ADAMTSL1: variants seen among roughly 807,000 people sequenced by gnomAD.
ADAMTSL1 encodes the protein ADAMTS-like protein 1.
Under a neutral mutation model 201.8 loss-of-function variants are expected in ADAMTSL1, and 126 were observed. The observed-to-expected ratio is 0.62, with a 90% confidence interval of 0.54 to 0.72. ADAMTSL1 has a LOEUF of 0.72. ADAMTSL1 is among the 30% of genes least tolerant of loss of function. The pLI is 0.00. For synonymous variants in ADAMTSL1, 1,121 were observed against 903.4 expected, an observed-to-expected ratio of 1.24 and a Z score of -4.32; for missense variants, 2,679 against 2,277.8, an observed-to-expected ratio of 1.18 and a Z score of -3.59.
intron 2 of ADAMTSL1, among the ~76,000 whole-genome samples, chr9:18,315,352 C>G (rs1252120738): frequency 6.6e-6 from 1 of 152,136 alleles, no homozygotes; most frequent in Non-Finnish European, 1.5e-5. Context: ...GGCGGAGCTG[C>G]CTGTCAGTCC....
At chr9:18,362,014 TG>T (rs1025554926) in intron 2 of ADAMTSL1, 2 of 152,100 alleles carry the variant, frequency 1.3e-5, no homozygotes, top group Non-Finnish European at 1.5e-5. Context: ...TGGAAAGGGA[TG>T]GGGTAGAAGT....
At chr9:17,981,912 C>T (rs1310342942) in intron 1 of ADAMTSL1, among the ~76,000 whole-genome samples, 1 of 152,104 alleles carries the variant, frequency 6.6e-6, no homozygotes, top group East Asian at 1.9e-4. Flanking sequence ...ATAAGACTCC[C>T]CACCATGGTT....
intron 1 of ADAMTSL1, among the ~76,000 whole-genome samples, chr9:18,003,175 C>A (rs1819682766): frequency 6.6e-6 from 1 of 152,046 alleles, no homozygotes; most frequent in Admixed American, 6.6e-5. Context: ...AGCTTCCAGG[C>A]TCATCCTGGA....
At chr9:18,219,417 G>A (rs2132351084) in intron 2 of ADAMTSL1, among the ~76,000 whole-genome samples, 1 of 151,814 alleles carries the variant, frequency 6.6e-6, no homozygotes, top group South Asian at 2.1e-4. Context: ...CGCCCAGGCT[G>A]AAGTGCAGTG....
intron 2 of ADAMTSL1, among the ~76,000 whole-genome samples, chr9:18,268,822 T>A (rs16936494): frequency 0.014 from 2,191 of 152,254 alleles, 60 homozygotes; most frequent in African/African-American, 0.051. Context: ...ATAAAAGCAA[T>A]TGGGTCATAG....
At chr9:18,104,022 CAT>C (rs762013085) in intron 1 of ADAMTSL1, among the ~76,000 whole-genome samples, 8 of 152,182 alleles carry the variant, frequency 5.3e-5, no homozygotes, top group African/African-American at 1.2e-4. Flanking sequence ...GTTACTTTAT[CAT>C]GTGTGTGTGT....
intron 2 of ADAMTSL1, among the ~76,000 whole-genome samples, chr9:18,172,145 G>A (rs542708018): frequency 2.3e-4 from 34 of 148,584 alleles, no homozygotes; most frequent in African/African-American, 7.9e-4. Flanking sequence ...GGGGGCTGGG[G>A]AGGGATAGCA....
chr9:18,037,561 A>T (rs1821254150), intron 1 of ADAMTSL1, among the ~76,000 whole-genome samples: 1 of 152,214 alleles, frequency 6.6e-6, no homozygotes, highest in Non-Finnish European at 1.5e-5. Flanking sequence ...AAGTATTTCA[A>T]AACTATGAAA....
intron 2 of ADAMTSL1, among the ~76,000 whole-genome samples, chr9:18,461,340 T>C (rs1820798992): frequency 1.3e-5 from 2 of 152,180 alleles, no homozygotes; most frequent in Non-Finnish European, 2.9e-5. Context: ...ATTATGATTA[T>C]TTTTCATGTA....
intron 23 of ADAMTSL1, among the ~76,000 whole-genome samples, chr9:18,886,214 A>G: frequency 7.5e-6 from 1 of 133,954 alleles, no homozygotes; most frequent in East Asian, 2.1e-4. Flanking sequence ...ATATATATAC[A>G]CACACATACA....
intron 2 of ADAMTSL1, among the ~76,000 whole-genome samples, chr9:18,427,667 T>C (rs1385525430): frequency 6.6e-6 from 1 of 152,248 alleles, no homozygotes; most frequent in Non-Finnish European, 1.5e-5. Context: ...GAGATTTTCT[T>C]GCTGAGGCAG....
At chr9:18,540,841 A>G (rs904376359) in intron 3 of ADAMTSL1, among the ~76,000 whole-genome samples, 5 of 152,148 alleles carry the variant, frequency 3.3e-5, no homozygotes, top group Non-Finnish European at 7.4e-5. Flanking sequence ...AATTGCAGGA[A>G]CGTTGATTTC....
At chr9:18,289,846 AG>A (rs1833180471) in intron 2 of ADAMTSL1, among the ~76,000 whole-genome samples, 1 of 152,244 alleles carries the variant, frequency 6.6e-6, no homozygotes, top group Admixed American at 6.5e-5. Flanking sequence ...TGGAACTTTC[AG>A]CAAAGTTTCC....
At chr9:18,570,187 C>T (rs539203744) in intron 3 of ADAMTSL1, among the ~76,000 whole-genome samples, 1 of 149,888 alleles carries the variant, frequency 6.7e-6, no homozygotes, top group East Asian at 2.0e-4. Flanking sequence ...CGAGACTTGC[C>T]TGGAGAATGA....
intron 1 of ADAMTSL1, among the ~76,000 whole-genome samples, chr9:17,976,028 G>A (rs1005341787): frequency 1.3e-5 from 2 of 151,994 alleles, no homozygotes; most frequent in Non-Finnish European, 2.9e-5. Context: ...TTACTTCACT[G>A]TATATGTGTG....
At chr9:18,825,312 C>T (rs1377282311) in intron 21 of ADAMTSL1, among the ~76,000 whole-genome samples, 1 of 152,158 alleles carries the variant, frequency 6.6e-6, no homozygotes, top group African/African-American at 2.4e-5. Flanking sequence ...AAAGAGAGAG[C>T]CCATCCCAGG....
intron 17 of ADAMTSL1, among the ~76,000 whole-genome samples, chr9:18,774,957 C>A (rs1820891733): frequency 6.6e-6 from 1 of 152,136 alleles, no homozygotes. Flanking sequence ...AAGAAACTAC[C>A]AATCTGTTTT....
chr9:18,739,899 C>CTGTGTGTGTGTGTGTGTGTG (rs5896804), intron 15 of ADAMTSL1, among the ~76,000 whole-genome samples: 126 of 148,234 alleles, frequency 8.5e-4, no homozygotes, highest in Admixed American at 4.4e-3. Flanking sequence ...TGTCTACTAT[C>CTGTGTGTGTGTGTGTGTGTG]TGTGTGTGTG....
At chr9:18,645,529 G>A (rs371040191) in intron 7 of ADAMTSL1, among the ~76,000 whole-genome samples, 14,614 of 150,278 alleles carry the variant, frequency 0.097, 1,363 homozygotes, top group African/African-American at 0.24. Flanking sequence ...TAGGTCTAAC[G>A]TTTAAGTCTT....
Sources: gnomAD v4.1 joint callset for allele counts (sites outside exome capture counted in the v4.1 genomes callset) on GRCh38, gnomAD v4.1.1 for gene constraint, MANE v1.5 for transcripts, NCBI Gene and HGNC (gene_info 2026-07-23, HGNC 2026-07-21) for gene names.